TACC1: variants seen among roughly 807,000 people sequenced by gnomAD.
TACC1 encodes the protein transforming acidic coiled-coil containing protein 1, also known as transforming acidic coiled-coil-containing protein 1.
In TACC1, 48 loss-of-function variants were observed where a neutral mutation model predicts 84.4. The ratio of observed to expected loss-of-function variants is 0.57; its 90% CI spans 0.45 to 0.72. TACC1 has a LOEUF of 0.72. TACC1 is among the 30% of genes least tolerant of loss of function. TACC1 has a pLI of 0.00. For synonymous variants in TACC1, 372 were observed against 376.3 expected (o/e 0.99, Z 0.13); for missense variants, 920 against 973.0 (o/e 0.95, Z 0.72).
At chr8:38,842,479 T>C (rs752432756) in intron 10 of TACC1, 32 bp downstream of exon 10, 183 of 1,578,188 alleles carry the variant, frequency 1.2e-4, no homozygotes, top group Non-Finnish European at 1.4e-4. Context: ...TCTCCTGGTG[T>C]ATTTCCAGTA....
At chr8:38,837,529 G>A (rs558803138) in intron 7 of TACC1, among the ~76,000 whole-genome samples, 4 of 152,276 alleles carry the variant, frequency 2.6e-5, no homozygotes, top group South Asian at 2.1e-4. Context: ...AGGGTCAAGC[G>A]ATCCTCTTGC....
upstream of TACC1, among the ~76,000 whole-genome samples, chr8:38,786,483 C>A (rs1344503627): frequency 2.0e-5 from 3 of 152,170 alleles, no homozygotes; most frequent in Non-Finnish European, 4.4e-5. Flanking sequence ...GGGAGGATCG[C>A]TTGTGGCCAA....
intron 2 of TACC1, among the ~76,000 whole-genome samples, chr8:38,801,146 T>C (rs1226365684): frequency 6.6e-6 from 1 of 152,250 alleles, no homozygotes; most frequent in Non-Finnish European, 1.5e-5. Flanking sequence ...GCAAATTCCT[T>C]ATTAGATATG....
At chr8:38,729,095 A>C (rs1804403332) in intron 1 of TACC1, among the ~76,000 whole-genome samples, 1 of 152,026 alleles carries the variant, frequency 6.6e-6, no homozygotes, top group Non-Finnish European at 1.5e-5. Context: ...TTCGGGGAGA[A>C]GTGAGAAGGG....
At chr8:38,793,682 A>C (rs1239989811) in intron 2 of TACC1, among the ~76,000 whole-genome samples, 2 of 152,104 alleles carry the variant, frequency 1.3e-5, no homozygotes, top group Non-Finnish European at 2.9e-5. Context: ...GGCTCAAGTA[A>C]GTGATCCTCC....
chr8:38,789,609 A>G (rs543009435), intron 2 of TACC1, among the ~76,000 whole-genome samples: 2 of 152,318 alleles, frequency 1.3e-5, no homozygotes, highest in South Asian at 4.1e-4. Flanking sequence ...AATAGGGAAT[A>G]TGGAGTGGGG....
chr8:38,836,402 T>C, intron 7 of TACC1, 115 bp downstream of exon 7: 1 of 1,434,402 alleles, frequency 7.0e-7, no homozygotes, highest in Non-Finnish European at 9.5e-7. Flanking sequence ...AAGTTCTTAT[T>C]ACCTGCAGCT....
intron 3 of TACC1, among the ~76,000 whole-genome samples, chr8:38,755,030 C>T (rs779521532): frequency 3.3e-5 from 5 of 151,954 alleles, no homozygotes; most frequent in Admixed American, 6.6e-5. Context: ...CGTGATGGTG[C>T]GCGCCTGTAG....
chr8:38,840,504 C>T, intron 9 of TACC1: 1 of 341,396 alleles, frequency 2.9e-6, no homozygotes, highest in South Asian at 5.5e-5. Context: ...CTAATCCTGA[C>T]ATAATCACCT....
At chr8:38,786,952 A>G (rs1817287123), upstream of TACC1, among the ~76,000 whole-genome samples, 2 of 151,942 alleles carry the variant, frequency 1.3e-5, no homozygotes, top group African/African-American at 4.8e-5. Flanking sequence ...GAGGAAGAGG[A>G]CAGCGTGCCC....
At chr8:38,824,962 T>C (rs1309490438) in intron 3 of TACC1, among the ~76,000 whole-genome samples, 1 of 152,202 alleles carries the variant, frequency 6.6e-6, no homozygotes, top group Non-Finnish European at 1.5e-5. Context: ...TCAGAGGAAC[T>C]GAATGTCTCC....
chr8:38,745,246 C>T (rs1399128147), exon 3 of TACC1: 1 of 464,546 alleles, frequency 2.2e-6, no homozygotes, highest in Non-Finnish European at 3.8e-6. Flanking sequence ...CAGAGTAGAG[C>T]TGCCTCCCCA....
At chr8:38,793,280 T>C (rs953580370) in intron 2 of TACC1, among the ~76,000 whole-genome samples, 1 of 152,186 alleles carries the variant, frequency 6.6e-6, no homozygotes, top group Non-Finnish European at 1.5e-5. Flanking sequence ...GAATGCCAAG[T>C]TGTTTGTTGA....
At chr8:38,737,427 T>G (rs1215377841) in intron 1 of TACC1, among the ~76,000 whole-genome samples, 1 of 152,218 alleles carries the variant, frequency 6.6e-6, no homozygotes, top group African/African-American at 2.4e-5. Flanking sequence ...ATCAGGAGAC[T>G]GGGCTGGAAC....
In TACC1 at chr8:38,840,420, A is replaced by T. The variant is rs907741314; in HGVS notation, c.1960+153A>T. 9.6e-6 allele frequency: 6 copies of T among 623,654 alleles called. No homozygotes were observed. The African/African-American group carries it at 1.1e-4, about 12-fold the overall frequency. The allele number at this position is 623,654 out of a possible 1,614,324, so 38.6% of individuals were successfully genotyped here. A position where few individuals can be genotyped will look rare whatever the true frequency, so the allele number is the denominator to read the frequency against. On this transcript the variant is annotated intron_variant, in intron 9 of 12. Transcript: ENST00000317827. Reference sequence around the variant, plus strand: ...ACAGGAGAGTTCAAGGTGCCCACAGATGAGATGTCTGGGGAGGGCCCATTC... The same window carrying T: ...ACAGGAGAGTTCAAGGTGCCCACAGTTGAGATGTCTGGGGAGGGCCCATTC...
intron 2 of TACC1, among the ~76,000 whole-genome samples, chr8:38,813,377 G>A (rs1163210396): frequency 1.3e-5 from 2 of 152,166 alleles, no homozygotes; most frequent in Non-Finnish European, 2.9e-5. Flanking sequence ...AGTTTCGACA[G>A]ATTTGGTAAA....
At chr8:38,781,205 C>A (rs1815882609) in intron 3 of TACC1, among the ~76,000 whole-genome samples, 1 of 152,006 alleles carries the variant, frequency 6.6e-6, no homozygotes, top group South Asian at 2.1e-4. Context: ...TGAAGATTCA[C>A]AATATATTTA....
At chr8:38,789,161 G>T (rs1587694863) in intron 2 of TACC1, among the ~76,000 whole-genome samples, 1 of 152,282 alleles carries the variant, frequency 6.6e-6, no homozygotes, top group East Asian at 1.9e-4. Flanking sequence ...TTCTACTGGG[G>T]TGTGGCTGGA....
chr8:38,750,538 AG>A (rs1359181326), intron 3 of TACC1, among the ~76,000 whole-genome samples: 1 of 152,226 alleles, frequency 6.6e-6, no homozygotes, highest in African/African-American at 2.4e-5. Flanking sequence ...CTTATCTACA[AG>A]TGACATTGTA....
Sources: allele counts gnomAD v4.1 joint callset (sites outside exome capture counted in the v4.1 genomes callset), GRCh38; gene constraint gnomAD v4.1.1; transcripts MANE v1.5; gene names NCBI Gene and HGNC (gene_info 2026-07-23, HGNC 2026-07-21).